Variants in DENND2C observed in about 807,000 individuals in gnomAD.
DENND2C encodes DENN domain-containing protein 2C.
A neutral mutation model predicts 112.4 loss-of-function variants in DENND2C; 72 were observed. The ratio of observed to expected loss-of-function variants is 0.64; its 90% confidence interval spans 0.53 to 0.78. DENND2C has a LOEUF of 0.78. Among genes scored for constraint, DENND2C ranks in the 30% least tolerant of loss-of-function variants. The pLI, the probability that DENND2C is intolerant of heterozygous loss-of-function variation, is 0.00. For synonymous variants in DENND2C, 329 were observed against 381.6 expected (o/e 0.86, Z 1.61); for missense variants, 992 against 1,113.8 (o/e 0.89, Z 1.56).
intron 2 of DENND2C, among the ~76,000 whole-genome samples, chr1:114,649,547 A>T (rs1486000192): frequency 6.6e-6 from 1 of 151,254 alleles, no homozygotes; most frequent in Non-Finnish European, 1.5e-5. Flanking sequence ...CTAATTTTTA[A>T]TTTTTTTTTA....
At position 114,587,932 on chromosome 1, in the gene DENND2C, C is replaced by G; in HGVS notation, c.2452G>C (p.Val818Leu). The G allele has an allele frequency of 6.2e-7, 1 of 1,613,946 alleles. No homozygotes were observed. Among genetic ancestry groups the G allele is most frequent in the African/African-American group, 1.3e-5 (1 of 74,986 alleles). The change falls in exon 19 of 21, where the codon GTG becomes CTG. Residue 818 changes from valine (V) to leucine (L), a missense_variant. This residue lies in a region of DENND2C where 516 missense variants were observed against 623.6 expected (regional missense o/e 0.83). Coordinates refer to ENST00000393274, the MANE Select transcript of DENND2C (RefSeq NM_001256404.2). ...FSQDVTLNSL[V>L]SEAFVRFFVE... ...AAAAACCTGACAAATGCTTCGGACA[C>G]CAGAGAGTTGAGTGTCACATCTGCT...
At chr1:114,624,673 GT>G (rs1234287989) in intron 4 of DENND2C, among the ~76,000 whole-genome samples, 23 of 147,910 alleles carry the variant, frequency 1.6e-4, no homozygotes, top group African/African-American at 5.8e-4. Context: ...CCAGGCTGAA[GT>G]GCAGTGTCAC....
chr1:114,600,878 A>G lies in DENND2C; in HGVS notation c.1898T>C (p.Phe633Ser). ...TGTGATGGTGCGTCCAGGAGCTGGG[A>G]AAGGAGCTTCCATGACACTTCGCAT... ...PFMRSVMEAP[F>S]PAPGRTITVK... is the part of the protein sequence containing the mutation. Residue 633 changes from phenylalanine (F) to serine (S), a missense_variant, in exon 14 of 21, where the codon TTC (phenylalanine) becomes TCC (serine). Transcript: ENST00000393274. 6.2e-7 allele frequency: 1 copy of G among 1,614,084 alleles called. No homozygotes were observed. Among genetic ancestry groups the G allele is most frequent in the Non-Finnish European group, 8.5e-7 (1 of 1,179,970 alleles).
At chr1:114,664,537 TG>T (rs571383824) in intron 1 of DENND2C, among the ~76,000 whole-genome samples, 242 of 152,120 alleles carry the variant, frequency 1.6e-3, no homozygotes, top group African/African-American at 5.6e-3. Context: ...TGGAGTACAA[TG>T]GCACAATCTC....
At chr1:114,632,869 A>T (rs752810952) in intron 3 of DENND2C, among the ~76,000 whole-genome samples, 1 of 152,180 alleles carries the variant, frequency 6.6e-6, no homozygotes, top group Non-Finnish European at 1.5e-5. Flanking sequence ...CGTATGCAGG[A>T]TCACGTAAAA....
At chr1:114,599,585 T>C in intron 15 of DENND2C, 134 bp from the exon 16 acceptor site, 2 of 668,870 alleles carry the variant, frequency 3.0e-6, no homozygotes, top group Non-Finnish European at 4.4e-6. Context: ...CAGTCATTAA[T>C]TTTTTAACAT....
At chr1:114,651,276 T>TACACACACACACACACACACAC (rs57202953) in intron 2 of DENND2C, among the ~76,000 whole-genome samples, 108 of 139,342 alleles carry the variant, frequency 7.8e-4, no homozygotes, top group African/African-American at 2.5e-3. Context: ...TCCCTACACA[T>TACACACACACACACACACACAC]ACACACACAC....
intron 11 of DENND2C, among the ~76,000 whole-genome samples, chr1:114,602,451 A>T (rs1186060849): frequency 6.6e-6 from 1 of 152,234 alleles, no homozygotes; most frequent in Admixed American, 6.5e-5. Context: ...GGCCTTAAGA[A>T]TATCTTGCCT....
At chr1:114,612,393 A>G (rs1167688347) in intron 8 of DENND2C, among the ~76,000 whole-genome samples, 3 of 145,932 alleles carry the variant, frequency 2.1e-5, no homozygotes, top group Non-Finnish European at 4.5e-5. Flanking sequence ...ACTCTGCTGC[A>G]CAGGCTACAG....
chr1:114,614,986 C>T (rs962023298), intron 8 of DENND2C, among the ~76,000 whole-genome samples: 2 of 151,978 alleles, frequency 1.3e-5, no homozygotes, highest in Non-Finnish European at 2.9e-5. Context: ...TGCACCCCAG[C>T]CTGGGCAACA....
intron 8 of DENND2C, 137 bp from the exon 9 acceptor site, chr1:114,611,254 T>G: frequency 1.1e-6 from 1 of 921,290 alleles, no homozygotes; most frequent in Non-Finnish European, 1.7e-6. Context: ...CCAAACCACT[T>G]GGTTGTATCA....
At chr1:114,603,006 C>A (rs1655556392) in intron 11 of DENND2C, among the ~76,000 whole-genome samples, 1 of 152,146 alleles carries the variant, frequency 6.6e-6, no homozygotes, top group Non-Finnish European at 1.5e-5. Flanking sequence ...AGGATTATAT[C>A]CTTAATATGT....
At chr1:114,608,209 C>T (rs1655710425) in intron 10 of DENND2C, among the ~76,000 whole-genome samples, 1 of 151,588 alleles carries the variant, frequency 6.6e-6, no homozygotes, top group African/African-American at 2.4e-5. Context: ...GCAGGGGTTG[C>T]AGTGAGCCAA....
rs745986093 is a variant in DENND2C, at chr1:114,599,414, G to A, written c.2143C>T (p.Leu715=). 2 of 1,614,008 alleles carry A rather than the reference G, an allele frequency of 1.2e-6. No homozygotes were observed. Among genetic ancestry groups the A allele is most frequent in the Non-Finnish European group, 8.5e-7 (1 of 1,179,950 alleles). The change falls in exon 16 of 21, where the codon CTG becomes TTG. Residue 715 remains leucine (L), a synonymous_variant. Coordinates refer to ENST00000393274, the MANE Select transcript of DENND2C (RefSeq NM_001256404.2). ...GTATGCTGCCAGGTGAACGGATACA[G>A]TGTAGCTACCACAGCATGGCCACAT... The part of the protein sequence containing the change: ...SKCGHAVVAT[L]YPFTWQHTYI...
intron 3 of DENND2C, among the ~76,000 whole-genome samples, chr1:114,639,067 T>C (rs1342682047): frequency 2.6e-5 from 4 of 151,980 alleles, no homozygotes; most frequent in Admixed American, 2.0e-4. Flanking sequence ...ATAAGCACAA[T>C]AAAGCACATG....
intron 8 of DENND2C, among the ~76,000 whole-genome samples, 176 bp downstream of exon 8, chr1:114,618,210 G>A (rs1656053933): frequency 2.0e-5 from 3 of 151,916 alleles, no homozygotes; most frequent in African/African-American, 7.3e-5. Flanking sequence ...GGATAGTCTC[G>A]ATCTCCTGAC....
intron 3 of DENND2C, 123 bp from the exon 4 acceptor site, chr1:114,626,311 G>A (rs77895424): frequency 0.021 from 4,252 of 198,876 alleles, 200 homozygotes; most frequent in African/African-American, 0.093. Flanking sequence ...AAACATACCT[G>A]TAATCTATTA....
intron 3 of DENND2C, among the ~76,000 whole-genome samples, chr1:114,644,122 T>C (rs189818001): frequency 6.6e-6 from 1 of 152,304 alleles, no homozygotes; most frequent in Admixed American, 6.5e-5. Flanking sequence ...CCACCACTTA[T>C]CATCTTTACT....
At chr1:114,620,648 A>G (rs1271929878) in intron 7 of DENND2C, among the ~76,000 whole-genome samples, 1 of 152,204 alleles carries the variant, frequency 6.6e-6, no homozygotes, top group Non-Finnish European at 1.5e-5. Flanking sequence ...GGGCGCAGCT[A>G]CTGCAAGATG....
Sources: gnomAD v4.1 joint callset for allele counts (sites outside exome capture counted in the v4.1 genomes callset) on GRCh38, gnomAD v4.1.1 for gene constraint, gnomAD v4.1.1 regional missense constraint, MANE v1.5 for transcripts, NCBI Gene and HGNC (gene_info 2026-07-23, HGNC 2026-07-21) for gene names.